ATP10D: variants seen among roughly 807,000 people sequenced by gnomAD.
ATP10D encodes the protein phospholipid-transporting ATPase VD.
In ATP10D, 89 loss-of-function variants were observed where a neutral mutation model predicts 144.8. The observed-to-expected ratio is 0.61, with a 90% CI of 0.52 to 0.73. ATP10D has a LOEUF of 0.73. Ranked by LOEUF, ATP10D falls within the 30% of genes least tolerant of loss-of-function variation. ATP10D has a pLI of 0.00. For missense variants in ATP10D, 1,603 were observed against 1,714.8 expected (o/e 0.93, Z 1.15); for synonymous variants, 571 against 615.1 (o/e 0.93, Z 1.06).
chr4:47,529,428 T>G (rs1452251886), intron 5 of ATP10D, among the ~76,000 whole-genome samples: 2 of 152,204 alleles, frequency 1.3e-5, no homozygotes, highest in African/African-American at 4.8e-5. Flanking sequence ...TTGTCAACTT[T>G]GTCAAATATC....
chr4:47,492,905 A>G (rs988738380), intron 1 of ATP10D, among the ~76,000 whole-genome samples: 2 of 152,174 alleles, frequency 1.3e-5, no homozygotes, highest in African/African-American at 4.8e-5. Flanking sequence ...TAATGTGCTT[A>G]TTTGCCTCAT....
chr4:47,535,407 C>T, intron 5 of ATP10D, 102 bp from the exon 6 acceptor site: 1 of 815,794 alleles, frequency 1.2e-6, no homozygotes, highest in African/African-American at 1.8e-5. Context: ...TTGTGAAATG[C>T]CTTTTTACTC....
chr4:47,530,520 G>A (rs184055037), intron 5 of ATP10D, among the ~76,000 whole-genome samples: 57 of 152,166 alleles, frequency 3.7e-4, no homozygotes, highest in Non-Finnish European at 4.0e-4. Context: ...AGAGTGGTGC[G>A]ATCTCAGTTC....
At chr4:47,576,746 T>C in intron 18 of ATP10D, 27 bp from the exon 19 acceptor site, 1 of 1,597,430 alleles carries the variant, frequency 6.3e-7, no homozygotes, top group African/African-American at 1.3e-5. Flanking sequence ...GATTCTAAGA[T>C]CTGAATGTCC....
chr4:47,536,498 T>G lies in ATP10D; in HGVS notation c.1077T>G (p.Asp359Glu), dbSNP rs574679729. 2.5e-4 allele frequency: 401 copies of G among 1,613,692 alleles called. 1 individual carries two copies. In the South Asian group the frequency reaches 4.2e-3, roughly 17 times the overall value. ...ATTTTTTCAATGTTCCCGAGCCTGA[T>G]GGACATATCATATCACCACTGTTGG... is the stretch of plus-strand genomic sequence containing the variant. ...KMHFFNVPEP[D>E]GHIISPLLAG... is the part of the protein sequence containing the mutation. Residue 359 changes from aspartate (D) to glutamate (E), a missense_variant, in exon 8 of 23, where the codon GAT becomes GAG. Transcript: ENST00000273859.
chr4:47,503,769 C>T (rs368789979), intron 1 of ATP10D, among the ~76,000 whole-genome samples: 1 of 151,958 alleles, frequency 6.6e-6, no homozygotes, highest in African/African-American at 2.4e-5. Flanking sequence ...TGTGGTGGCT[C>T]ATGCCTGTCA....
intron 1 of ATP10D, among the ~76,000 whole-genome samples, chr4:47,499,625 T>C (rs1355451547): frequency 6.6e-6 from 1 of 152,188 alleles, no homozygotes; most frequent in Non-Finnish European, 1.5e-5. Flanking sequence ...ACGCTTGTGC[T>C]CAGAGCATTG....
chr4:47,551,444 A>G (rs1037064251), intron 10 of ATP10D, among the ~76,000 whole-genome samples: 2 of 152,214 alleles, frequency 1.3e-5, no homozygotes, highest in African/African-American at 4.8e-5. Context: ...TTTTAAAAAG[A>G]TATCTACTTG....
intron 14 of ATP10D, 27 bp from the exon 15 acceptor site, chr4:47,563,554 T>A: frequency 6.3e-7 from 1 of 1,578,262 alleles, no homozygotes; most frequent in Non-Finnish European, 8.6e-7. Flanking sequence ...TTCTTACAAG[T>A]CCTATTGCAC....
At position 47,535,540 on chromosome 4, in the gene ATP10D, A is replaced by G; in HGVS notation, c.808A>G (p.Ser270Gly). The change falls in exon 6 of 23, where the codon AGT (serine) becomes GGT (glycine). Residue 270 changes from serine to glycine, a missense_variant. By Grantham distance (56) the Ser-to-Gly change is moderately conservative. Coordinates refer to ENST00000273859, the MANE Select transcript of ATP10D (RefSeq NM_020453.4). ...TTCCAACAAAGAACGCGTGGGTCTCAGTAAAGAAAATTTGTTGCTTAGAGG... is the reference window on the plus strand; with the variant it reads ...TTCCAACAAAGAACGCGTGGGTCTCGGTAAAGAAAATTTGTTGCTTAGAGG... ...EHSNKERVGLSKENLLLRGCT... is the reference protein window; with the variant it reads ...EHSNKERVGLGKENLLLRGCT... 1 of 1,613,060 alleles carries G rather than the reference A, an allele frequency of 6.2e-7. No homozygotes were observed. The highest frequency in any genetic ancestry group is 8.5e-7 in the Non-Finnish European group (1 of 1,179,400).
intron 3 of ATP10D, among the ~76,000 whole-genome samples, chr4:47,516,934 A>G (rs1181675190): frequency 6.6e-6 from 1 of 152,216 alleles, no homozygotes; most frequent in African/African-American, 2.4e-5. Context: ...TACCAGAGAT[A>G]GAGAACTAAA....
chr4:47,525,751 GGTC>G, intron 5 of ATP10D, 109 bp downstream of exon 5: 1 of 922,702 alleles, frequency 1.1e-6, no homozygotes, highest in Non-Finnish European at 1.7e-6. Context: ...AATCACTAAA[GGTC>G]GTAACTTTAG....
chr4:47,497,100 C>T (rs1715427209), intron 1 of ATP10D, among the ~76,000 whole-genome samples: 1 of 152,090 alleles, frequency 6.6e-6, no homozygotes, highest in Admixed American at 6.5e-5. Flanking sequence ...CTCGGCCTCC[C>T]GAATTGCTGG....
At chr4:47,524,290 A>T (rs1717122431) in intron 4 of ATP10D, among the ~76,000 whole-genome samples, 1 of 152,138 alleles carries the variant, frequency 6.6e-6, no homozygotes, top group Non-Finnish European at 1.5e-5. Context: ...TAGAAACCAA[A>T]AAAAGTGGTT....
At chr4:47,586,777 A>G (rs16860404) in intron 21 of ATP10D, among the ~76,000 whole-genome samples, 24,036 of 152,210 alleles carry the variant, frequency 0.16, 3,309 homozygotes, top group African/African-American at 0.38. Context: ...GAATAAACTA[A>G]TCAACAGAAT....
rs539953511 is a variant in ATP10D, at chr4:47,522,761, G to A, written c.486-251G>A. On this transcript the variant is annotated intron_variant, in intron 3 of 22. Coordinates refer to ENST00000273859, the MANE Select transcript of ATP10D (RefSeq NM_020453.4). ...ATTTTTGTATTTTAGTAGAGACAGG[G>A]TTTCACCATGTTGGCCAGGCTGGTC... Among the ~76,000 whole-genome samples, 3 of 152,184 alleles carry A rather than the reference G, an allele frequency of 2.0e-5. No homozygotes were observed. The East Asian group carries it at 5.8e-4, about 29-fold the overall frequency.
intron 15 of ATP10D, among the ~76,000 whole-genome samples, chr4:47,565,150 C>G (rs1420804061): frequency 6.6e-6 from 1 of 152,016 alleles, no homozygotes; most frequent in Non-Finnish European, 1.5e-5. Flanking sequence ...TTAGTAGAGA[C>G]GGGGTTTCAC....
intron 15 of ATP10D, among the ~76,000 whole-genome samples, chr4:47,566,722 A>G (rs1243481289): frequency 6.6e-6 from 1 of 152,214 alleles, no homozygotes; most frequent in Non-Finnish European, 1.5e-5. Context: ...AACACTGACC[A>G]CTGCTTTTAG....
At chr4:47,491,529 G>T in intron 1 of ATP10D, 1 of 510,090 alleles carries the variant, frequency 2.0e-6, no homozygotes, top group Admixed American at 2.7e-5. Flanking sequence ...ATAAATGTCT[G>T]TATCATATCA....
Sources: gnomAD v4.1 joint callset for allele counts (sites outside exome capture counted in the v4.1 genomes callset) on GRCh38, gnomAD v4.1.1 for gene constraint, MANE v1.5 for transcripts, NCBI Gene and HGNC (gene_info 2026-07-23, HGNC 2026-07-21) for gene names.